Variants in CSMD2 observed in about 807,000 individuals in gnomAD.
CSMD2 encodes CUB and Sushi multiple domains 2.
A neutral mutation model predicts 398.5 loss-of-function variants in CSMD2; 130 were observed. The observed-to-expected ratio is 0.33, with a 90% confidence interval of 0.28 to 0.38. The LOEUF is 0.38. CSMD2 is among the 10% of genes least tolerant of loss of function. The pLI is 1.00. For synonymous variants in CSMD2, 1,828 were observed against 1,908.5 expected (o/e 0.96, Z 1.10); for missense variants, 3,829 against 4,764.9 (o/e 0.80, Z 5.78).
At chr1:33,838,926 A>G (rs962293371) in intron 6 of CSMD2, 22 of 152,596 alleles carry the variant, frequency 1.4e-4, no homozygotes, top group African/African-American at 5.3e-4. Context: ...ATCCAGTGGA[A>G]ACCAGGAAAG....
intron 49 of CSMD2, among the ~76,000 whole-genome samples, chr1:33,576,224 A>C (rs1346136757): frequency 6.6e-6 from 1 of 152,250 alleles, no homozygotes; most frequent in African/African-American, 2.4e-5. Flanking sequence ...CAACAAGAGA[A>C]TGATACTTAA....
chr1:33,625,181 G>T lies in CSMD2; in HGVS notation c.5370C>A (p.Asp1790Glu). The change falls in exon 34 of 71, where the codon GAC (aspartate) becomes GAA (glutamate). Residue 1790 changes from aspartate to glutamate, a missense_variant. Asp to Glu is a conservative substitution (Grantham distance 45). Transcript: ENST00000373381. ...EPRYGKRLGS[D>E]FSVGAIVRFE... ...AGCGGACGATGGCCCCCACCGAGAA[G>T]TCACTGCCCAGCCTCTTGCCATAGC... The T allele has an allele frequency of 1.2e-6, 2 of 1,614,060 alleles. No individual in the cohort carries two copies. The highest frequency in any genetic ancestry group is 4.5e-5 in the East Asian group (2 of 44,858).
intron 1 of CSMD2, among the ~76,000 whole-genome samples, chr1:34,137,933 C>T (rs1208828826): frequency 6.6e-6 from 1 of 152,204 alleles, no homozygotes; most frequent in Admixed American, 6.5e-5. Flanking sequence ...CCCAGTCTGA[C>T]TCTAAAGCTT....
chr1:33,533,371 C>T lies in CSMD2; in HGVS notation c.9992-142G>A. On this transcript the variant is annotated intron_variant, in intron 63 of 70. Coordinates refer to ENST00000373381, the MANE Select transcript of CSMD2 (RefSeq NM_001281956.2). The surrounding 1 kb of genome is among the most constrained non-coding windows in gnomAD (Gnocchi z 4.2). ...CATGCCAAGCATCCCCCTCCCTAAT[C>T]CTCCACCCTAACCCAAGCTCTGTGT... The T allele has an allele frequency of 1.3e-6, 1 of 759,772 alleles. No homozygotes were observed. Among genetic ancestry groups the T allele is most frequent in the Non-Finnish European group, 2.1e-6 (1 of 469,562 alleles). 47.1% of individuals were successfully genotyped at this position (759,772 alleles called of 1,614,324 possible). A position where few individuals can be genotyped will look rare whatever the true frequency, so the allele number is the denominator to read the frequency against.
chr1:33,742,800 G>C (rs1472022028), intron 14 of CSMD2, among the ~76,000 whole-genome samples: 1 of 152,124 alleles, frequency 6.6e-6, no homozygotes, highest in African/African-American at 2.4e-5. Flanking sequence ...ATTCTGATGT[G>C]ACTATGGGAA....
intron 5 of CSMD2, among the ~76,000 whole-genome samples, chr1:33,910,427 G>A (rs893010205): frequency 6.6e-6 from 1 of 152,070 alleles, no homozygotes; most frequent in African/African-American, 2.4e-5. Flanking sequence ...TAATTTTTCC[G>A]AGCCCTTCCA....
intron 1 of CSMD2, among the ~76,000 whole-genome samples, chr1:34,095,457 T>C (rs1659169390): frequency 6.6e-6 from 1 of 150,420 alleles, no homozygotes; most frequent in African/African-American, 2.4e-5. Flanking sequence ...TTCAAAAAAT[T>C]AATGAATCCA....
At chr1:33,930,278 A>G (rs974035601) in intron 4 of CSMD2, among the ~76,000 whole-genome samples, 1 of 152,180 alleles carries the variant, frequency 6.6e-6, no homozygotes, top group East Asian at 1.9e-4. Flanking sequence ...TTTAAAACTC[A>G]GAGGGGTTTA....
chr1:33,762,740 T>G (rs1232791741), intron 13 of CSMD2, among the ~76,000 whole-genome samples: 1 of 152,122 alleles, frequency 6.6e-6, no homozygotes, highest in Non-Finnish European at 1.5e-5. Flanking sequence ...CTATGTGCAA[T>G]AATTCAGAGA....
intron 25 of CSMD2, among the ~76,000 whole-genome samples, chr1:33,672,810 C>T (rs928089784): frequency 6.6e-6 from 1 of 152,240 alleles, no homozygotes; most frequent in Non-Finnish European, 1.5e-5. Flanking sequence ...TCACCAATAT[C>T]TGCTGTTCTG....
intron 10 of CSMD2, among the ~76,000 whole-genome samples, chr1:33,801,430 TA>T (rs1484394193): frequency 1.3e-5 from 2 of 152,124 alleles, no homozygotes; most frequent in Non-Finnish European, 2.9e-5. Flanking sequence ...TGAAGGGACC[TA>T]ACAAGAGGAG....
chr1:33,560,352 A>G (rs926926179), intron 53 of CSMD2, among the ~76,000 whole-genome samples: 3 of 152,204 alleles, frequency 2.0e-5, no homozygotes, highest in African/African-American at 7.2e-5. Context: ...TTTTGTTCAG[A>G]CATGAGCAGG....
intron 5 of CSMD2, among the ~76,000 whole-genome samples, chr1:33,861,682 C>G (rs927673438): frequency 6.6e-6 from 1 of 152,120 alleles, no homozygotes; most frequent in African/African-American, 2.4e-5. Context: ...GATGGCCACT[C>G]AAATTAAAAT....
intron 13 of CSMD2, among the ~76,000 whole-genome samples, chr1:33,754,424 G>T (rs982835559): frequency 6.6e-6 from 1 of 152,064 alleles, no homozygotes; most frequent in Non-Finnish European, 1.5e-5. Flanking sequence ...GCTTCCTGAG[G>T]CCCTCATCAG....
chr1:33,567,889 T>C (rs1659206440), intron 52 of CSMD2, 48 bp from the exon 53 acceptor site: 1 of 1,536,086 alleles, frequency 6.5e-7, no homozygotes, highest in Non-Finnish European at 8.8e-7. Context: ...CCACAACTCA[T>C]TACTTTTCCC....
intron 5 of CSMD2, among the ~76,000 whole-genome samples, chr1:33,879,837 G>A (rs1394101617): frequency 6.6e-6 from 1 of 152,178 alleles, no homozygotes; most frequent in Non-Finnish European, 1.5e-5. Context: ...GACAGGTGTA[G>A]AGCAAATGAG....
chr1:33,953,881 T>C (rs922690664), intron 3 of CSMD2, among the ~76,000 whole-genome samples: 2 of 152,168 alleles, frequency 1.3e-5, no homozygotes, highest in Admixed American at 6.5e-5. Flanking sequence ...TGCAGGGCAC[T>C]TCCCATGGAT....
intron 14 of CSMD2, among the ~76,000 whole-genome samples, chr1:33,742,014 T>C (rs1286508218): frequency 6.6e-6 from 1 of 152,212 alleles, no homozygotes; most frequent in Non-Finnish European, 1.5e-5. Flanking sequence ...CCAAGGGATA[T>C]AAAGATAAGG....
intron 5 of CSMD2, among the ~76,000 whole-genome samples, chr1:33,888,775 T>C (rs1641774567): frequency 6.6e-6 from 1 of 151,878 alleles, no homozygotes; most frequent in Non-Finnish European, 1.5e-5. Context: ...GTTGTTGTTG[T>C]TGTTGTTGTT....
Sources: allele counts gnomAD v4.1 joint callset (sites outside exome capture counted in the v4.1 genomes callset), GRCh38; gene constraint gnomAD v4.1.1; non-coding constraint Gnocchi (gnomAD v3.1); transcripts MANE v1.5; gene names NCBI Gene and HGNC (gene_info 2026-07-23, HGNC 2026-07-21).